The following INTS13 variants were observed in gnomAD, a reference collection of about 807,000 sequenced individuals.
INTS13 encodes asunder, spermatogenesis regulator homolog (Drosphila).
Under a neutral mutation model 90.2 loss-of-function variants are expected in INTS13, and 35 were observed. The observed-to-expected ratio is 0.39, with a 90% CI of 0.30 to 0.51. The LOEUF (loss-of-function observed/expected upper bound fraction) is 0.51, where lower values mean the gene tolerates loss of function less well. INTS13 is among the 20% of genes least tolerant of loss of function. The pLI is 0.80. For missense variants in INTS13, 601 were observed against 851.2 expected, an observed-to-expected ratio of 0.71 and a Z score of 3.66; for synonymous variants, 309 against 277.1, an observed-to-expected ratio of 1.11 and a Z score of -1.14.
At chr12:26,924,148 A>ATTAT (rs1006948460) in intron 7 of INTS13, among the ~76,000 whole-genome samples, 5 of 152,120 alleles carry the variant, frequency 3.3e-5, no homozygotes, top group South Asian at 2.1e-4. Flanking sequence ...ATGTCCAACA[A>ATTAT]TTATTTATTT....
At chr12:26,929,098 AT>A in intron 3 of INTS13, 193 bp from the exon 4 acceptor site, 1 of 547,378 alleles carries the variant, frequency 1.8e-6, no homozygotes, top group Non-Finnish European at 3.2e-6. Context: ...TATTCTAGGA[AT>A]GCAAAGTTTA....
chr12:26,930,866 T>G (rs1361698039), intron 3 of INTS13, among the ~76,000 whole-genome samples: 1 of 152,186 alleles, frequency 6.6e-6, no homozygotes, highest in East Asian at 1.9e-4. Context: ...TTCACAGTAT[T>G]TAAAAAAGTA....
intron 8 of INTS13, among the ~76,000 whole-genome samples, chr12:26,918,290 AAACACT>A (rs1377105657): frequency 1.3e-5 from 2 of 152,192 alleles, no homozygotes; most frequent in African/African-American, 4.8e-5. Context: ...AATGTCAGAG[AAACACT>A]AACATTATCA....
chr12:26,905,385 T>C lies in INTS13; in HGVS notation c.*112A>G. 1.1e-6 allele frequency: 1 copy of C among 947,518 alleles called. No homozygotes were observed. Among genetic ancestry groups the C allele is most frequent in the Non-Finnish European group, 1.6e-6 (1 of 632,384 alleles). 58.7% of individuals were successfully genotyped at this position (947,518 alleles called of 1,614,324 possible). A position where few individuals can be genotyped will look rare whatever the true frequency, so the allele number is the denominator to read the frequency against. ...TGACAGCTGAAATATTTTAAAAATG[T>C]AAAAACCAGTCCAGGCAACATAACT... On this transcript the variant is annotated 3_prime_UTR_variant, in exon 17 of 17. Transcript: ENST00000261191.
chr12:26,930,556 T>C (rs1938133801), intron 3 of INTS13, among the ~76,000 whole-genome samples: 1 of 152,248 alleles, frequency 6.6e-6, no homozygotes, highest in South Asian at 2.1e-4. Flanking sequence ...CATTCTTTTA[T>C]ACATTCTTGA....
chr12:26,929,497 A>T (rs534611770), intron 3 of INTS13, among the ~76,000 whole-genome samples: 2 of 152,150 alleles, frequency 1.3e-5, no homozygotes, highest in East Asian at 3.9e-4. Context: ...AAGGCAGGAC[A>T]ATTGCTCGAG....
At chr12:26,911,826 T>C (rs1273742733) in intron 14 of INTS13, among the ~76,000 whole-genome samples, 2 of 152,244 alleles carry the variant, frequency 1.3e-5, no homozygotes, top group East Asian at 1.9e-4. Context: ...AAGAGTGTAC[T>C]TGAAGCTCAG....
chr12:26,917,586 A>G, intron 9 of INTS13, 58 bp downstream of exon 9: 1 of 1,475,956 alleles, frequency 6.8e-7, no homozygotes, highest in Non-Finnish European at 9.5e-7. Context: ...ATTGACCCCC[A>G]TATAATACCT....
intron 7 of INTS13, 31 bp from the exon 8 acceptor site, chr12:26,922,731 A>T (rs751338126): frequency 1.4e-6 from 2 of 1,462,186 alleles, no homozygotes; most frequent in South Asian, 1.4e-5. Flanking sequence ...ATTTTAAAAA[A>T]CTTGGTTTTG....
rs751582673 is a variant in INTS13 at position 26,934,558 on chromosome 12, C to T, written c.298G>A (p.Glu100Lys). 8 of 1,606,200 alleles carry T rather than the reference C, an allele frequency of 5.0e-6. No individual in the cohort carries two copies. The African/African-American group carries it at 1.1e-4, about 21-fold the overall frequency. ...SWTQEDQNLQ[E>K]LMAALAAVGP... The stretch of plus-strand genomic sequence containing the variant: ...CACAGCTCAAAATCTAACCATACCT[C>T]CTGTAAATTTTGGTCTTCTTGAGTC... The change falls in exon 3 of 17, where the codon GAG becomes AAG. Residue 100 changes from glutamate to lysine, a missense_variant and splice_region_variant. Around this residue, in one of 3 missense-constraint regions of INTS13, gnomAD observed 284 missense variants for 387.7 expected, o/e 0.73. Coordinates refer to ENST00000261191, the MANE Select transcript of INTS13 (RefSeq NM_018164.3).
intron 6 of INTS13, among the ~76,000 whole-genome samples, chr12:26,924,728 C>A (rs376443881): frequency 6.6e-6 from 1 of 152,136 alleles, no homozygotes. Flanking sequence ...CAGAACACAG[C>A]AGTGAACAGA....
chr12:26,921,985 C>A (rs1403695217), intron 8 of INTS13, among the ~76,000 whole-genome samples: 4 of 152,164 alleles, frequency 2.6e-5, no homozygotes, highest in Non-Finnish European at 5.9e-5. Flanking sequence ...ATACAAAATT[C>A]CAGAAATAAA....
chr12:26,929,083 G>A lies in INTS13; in HGVS notation c.301-178C>T, dbSNP rs191250094. 3.8e-3 allele frequency: 2,132 copies of A among 558,918 alleles called. 28 individuals are homozygous for A. The highest frequency in any genetic ancestry group is 0.036 in the African/African-American group (1,912 of 53,082). The allele number at this position is 558,918 out of a possible 1,614,324, so 34.6% of individuals were successfully genotyped here. On this transcript the variant is annotated intron_variant, in intron 3 of 16. Coordinates refer to ENST00000261191, the MANE Select transcript of INTS13 (RefSeq NM_018164.3). ...AAGAATTATACACCATGAACAAGTG[G>A]GATTTATTCTAGGAATGCAAAGTTT... is the stretch of plus-strand genomic sequence containing the variant.
intron 8 of INTS13, chr12:26,919,123 C>A: frequency 4.6e-6 from 1 of 217,578 alleles, no homozygotes; most frequent in Non-Finnish European, 1.0e-5. Flanking sequence ...GCTATGATCA[C>A]ACTACTGTAC....
At chr12:26,929,781 A>C (rs1035693890) in intron 3 of INTS13, among the ~76,000 whole-genome samples, 2 of 151,084 alleles carry the variant, frequency 1.3e-5, no homozygotes, top group African/African-American at 4.9e-5. Context: ...AGAGAAAGGG[A>C]AGAAAGAAAG....
At chr12:26,913,436 A>G (rs371356263) in intron 14 of INTS13, 21 bp downstream of exon 14, 213 of 1,590,508 alleles carry the variant, frequency 1.3e-4, no homozygotes, top group Middle Eastern at 3.3e-4. Flanking sequence ...CCATGGTGCT[A>G]TATCAATGCC....
Position 26,914,135 on chromosome 12 carries a change from GA to G in INTS13, c.1420-8del, listed in dbSNP as rs755253141. 1.3e-6 allele frequency: 2 copies of G among 1,553,916 alleles called. No individual in the cohort carries two copies. Among genetic ancestry groups the G allele is most frequent in the Admixed American group, 4.5e-5 (2 of 44,740 alleles). The stretch of plus-strand genomic sequence containing the variant: ...CACTGGCTAATGGAACTACCTGTTA[GA>G]TTTTTTTTAAAGAAAAAAGAAAATC... On this transcript the variant is annotated splice_region_variant and splice_polypyrimidine_tract_variant and intron_variant, in intron 12 of 16. Transcript: ENST00000261191.
At chr12:26,931,921 T>C (rs533636943) in intron 3 of INTS13, among the ~76,000 whole-genome samples, 20 of 151,876 alleles carry the variant, frequency 1.3e-4, no homozygotes, top group Non-Finnish European at 2.2e-4. Flanking sequence ...ACCTCATCTG[T>C]ACTAAAAATA....
chr12:26,906,542 A>G, intron 15 of INTS13, 105 bp from the exon 16 acceptor site: 2 of 1,163,990 alleles, frequency 1.7e-6, no homozygotes, highest in Non-Finnish European at 2.5e-6. Flanking sequence ...TTCATTTTAC[A>G]CAATTAAGGC....
Sources: gnomAD v4.1 joint callset for allele counts (sites outside exome capture counted in the v4.1 genomes callset) on GRCh38, gnomAD v4.1.1 for gene constraint, gnomAD v4.1.1 regional missense constraint, MANE v1.5 for transcripts, NCBI Gene and HGNC (gene_info 2026-07-23, HGNC 2026-07-21) for gene names.